Variants in YIPF3 observed in about 807,000 individuals in gnomAD.
The protein encoded by YIPF3 is Yip1 domain family member 3.
Under a neutral mutation model 40.3 loss-of-function variants are expected in YIPF3, and 18 were observed. The ratio of observed to expected loss-of-function variants is 0.45; its 90% CI spans 0.31 to 0.66. The LOEUF is 0.66. Among genes scored for constraint, YIPF3 ranks in the 30% least tolerant of loss-of-function variants. The pLI, the probability that YIPF3 is intolerant of heterozygous loss-of-function variation, is 0.07. For synonymous variants in YIPF3, 190 were observed against 179.6 expected (o/e 1.06, Z -0.46); for missense variants, 406 against 452.2 (o/e 0.90, Z 0.93).
chr6:43,516,126 A>T, intron 1 of YIPF3, 31 bp from the exon 2 acceptor site: 1 of 1,613,200 alleles, frequency 6.2e-7, no homozygotes, highest in Non-Finnish European at 8.5e-7. Flanking sequence ...AGAGTGCAGG[A>T]CTTTTCTGTT....
At position 43,512,779 on chromosome 6, in the gene YIPF3, T is replaced by A. The variant is rs777415438; in HGVS notation, c.762A>T (p.Gly254=). 3.7e-6 allele frequency: 6 copies of A among 1,613,546 alleles called. No individual in the cohort carries two copies. The East Asian group carries it at 1.3e-4, about 36-fold the overall frequency. ...LFYLFWLLVG[G]LSTLRMVAVL... ...AGCTTACCATGCGCAGTGTGGACAG[T>A]CCACCCACCAACAGCCAGAAGAGGT... The change falls in exon 7 of 9, where the codon GGA becomes GGT. Residue 254 remains glycine (G), a synonymous_variant. Transcript: ENST00000372422.
At chr6:43,516,588 A>T in intron 1 of YIPF3, 139 bp downstream of exon 1, 2 of 998,500 alleles carry the variant, frequency 2.0e-6, no homozygotes, top group Non-Finnish European at 2.9e-6. Flanking sequence ...AATCCCACTG[A>T]CTTTAGTGTG....
intron 1 of YIPF3, chr6:43,516,479 A>C (rs1275098841): frequency 1.3e-5 from 8 of 624,084 alleles, no homozygotes; most frequent in Middle Eastern, 4.2e-4. Flanking sequence ...CAACCTCCTA[A>C]CTTGTTCCAA....
intron 5 of YIPF3, 73 bp from the exon 6 acceptor site, chr6:43,513,273 C>T: frequency 6.2e-7 from 1 of 1,612,748 alleles, no homozygotes; most frequent in Admixed American, 1.7e-5. Flanking sequence ...TCCGCAGGGG[C>T]TGTTCCTGTC....
chr6:43,512,444 T>C lies in YIPF3; in HGVS notation c.900A>G (p.Val300=). Residue 300 remains valine, a synonymous_variant, in exon 8 of 9, where the codon GTA becomes GTG. Coordinates refer to ENST00000372422, the MANE Select transcript of YIPF3 (RefSeq NM_015388.4). ...CCAGACCTTCCTGCCACTTACCCTC[T>C]ACCACTTTGTGGTAGGCAAAATGCA... The part of the protein sequence containing the change: ...LYLHFAYHKV[V]EGILDTLEGP... 2.5e-6 allele frequency: 4 copies of C among 1,614,196 alleles called. No homozygotes were observed. Among genetic ancestry groups the C allele is most frequent in the Middle Eastern group, 1.7e-4 (1 of 6,060 alleles).
At chr6:43,515,406 CAGTT>C in intron 3 of YIPF3, 185 bp downstream of exon 3, 3 of 687,912 alleles carry the variant, frequency 4.4e-6, no homozygotes, top group Non-Finnish European at 7.9e-6. Context: ...GATGAGTAGT[CAGTT>C]AGATGGAAAA....
intron 1 of YIPF3, 68 bp from the exon 2 acceptor site, chr6:43,516,163 C>G: frequency 6.3e-7 from 1 of 1,592,936 alleles, no homozygotes; most frequent in South Asian, 1.1e-5. Flanking sequence ...CTGCTCATCC[C>G]AGGGTTTAGG....
Position 43,512,068 on chromosome 6 carries a change from A to G in YIPF3, c.*99T>C, listed in dbSNP as rs1036852341. 6 of 1,552,092 alleles carry G rather than the reference A, an allele frequency of 3.9e-6. No individual in the cohort carries two copies. The highest frequency in any genetic ancestry group is 4.5e-5 in the East Asian group (2 of 44,262). On this transcript the variant is annotated 3_prime_UTR_variant, in exon 9 of 9. Coordinates refer to ENST00000372422, the MANE Select transcript of YIPF3 (RefSeq NM_015388.4). Reference sequence around the variant, plus strand: ...CAGCTACAGCTCAGTGGCAGCTGCAAACCCCATCTACGAAACATGTCATCA... The same window carrying G: ...CAGCTACAGCTCAGTGGCAGCTGCAGACCCCATCTACGAAACATGTCATCA...
chr6:43,512,281 C>G lies in YIPF3; in HGVS notation c.939G>C (p.Pro313=). ...TGTCTCTGGGGACCCTCTGGATGGGCGGGATGTTGGGGCCCTCCAGTGTGT... is the reference window on the plus strand; with the variant it reads ...TGTCTCTGGGGACCCTCTGGATGGGGGGGATGTTGGGGCCCTCCAGTGTGT... The part of the protein sequence containing the change: ...ILDTLEGPNI[P]PIQRVPRDIP... The change falls in exon 9 of 9, where the codon CCG becomes CCC. Residue 313 remains proline, a synonymous_variant. Transcript: ENST00000372422. The G allele has an allele frequency of 2.5e-6, 4 of 1,611,044 alleles. No individual in the cohort carries two copies. Among genetic ancestry groups the G allele is most frequent in the Non-Finnish European group, 3.4e-6 (4 of 1,178,404 alleles).
Position 43,516,878 on chromosome 6 carries a change from C to G in YIPF3, c.-71G>C, listed in dbSNP as rs2231761. The G allele has an allele frequency of 2.0e-6, 3 of 1,505,482 alleles. No homozygotes were observed. The Admixed American group carries it at 6.0e-5, about 30-fold the overall frequency. 93.3% of individuals were successfully genotyped at this position (1,505,482 alleles called of 1,614,324 possible). The stretch of plus-strand genomic sequence containing the variant: ...GCGGAGTGGGCAAGATGTGGGCCTC[C>G]GGAAGGTAGACGTCCAGGGTCGAGG... On this transcript the variant is annotated 5_prime_UTR_variant, in exon 1 of 9. Transcript: ENST00000372422.
chr6:43,515,200 G>C (rs375398822), intron 3 of YIPF3: 4 of 450,448 alleles, frequency 8.9e-6, no homozygotes, highest in African/African-American at 8.0e-5. Flanking sequence ...CACCGTGTTA[G>C]CCAGGATGGT....
intron 3 of YIPF3, chr6:43,515,202 C>G: frequency 2.2e-6 from 1 of 450,824 alleles, no homozygotes. Context: ...CCGTGTTAGC[C>G]AGGATGGTCT....
Position 43,516,122 on chromosome 6 carries a change from C to G in YIPF3, c.82-27G>C, listed in dbSNP as rs1237670104. The G allele has an allele frequency of 3.7e-6, 6 of 1,613,462 alleles. No individual in the cohort carries two copies. In the East Asian group the frequency reaches 1.3e-4, roughly 36 times the overall value. On this transcript the variant is annotated intron_variant, in intron 1 of 8. Coordinates refer to ENST00000372422, the MANE Select transcript of YIPF3 (RefSeq NM_015388.4). ...TGTGAAGACAATGGCTCCTAGAGTG[C>G]AGGACTTTTCTGTTCCATCCATTAA... is the stretch of plus-strand genomic sequence containing the variant.
At position 43,516,714 on chromosome 6, in the gene YIPF3, T is replaced by A. The variant is rs772897495; in HGVS notation, c.81+13A>T. 8 of 1,612,460 alleles carry A rather than the reference T, an allele frequency of 5.0e-6. No homozygotes were observed. The highest frequency in any genetic ancestry group is 6.8e-6 in the Non-Finnish European group (8 of 1,179,836). ...CCTCCGGCTGCTGGCAGCTGGTGCC[T>A]TGGGGCCATTACCTGGATGTTTTCT... On this transcript the variant is annotated intron_variant, in intron 1 of 8. Coordinates refer to ENST00000372422, the MANE Select transcript of YIPF3 (RefSeq NM_015388.4).
intron 1 of YIPF3, chr6:43,516,338 A>G (rs532580699): frequency 1.1e-6 from 1 of 906,136 alleles, no homozygotes; most frequent in African/African-American, 1.7e-5. Context: ...TATGTTACCT[A>G]TCAAAGACTA....
At position 43,511,997 on chromosome 6, in the gene YIPF3, C is replaced by G; in HGVS notation, c.*170G>C. ...GCAGTCCTGGCCAGGAGTTCTTGGCCTTGTGCCTTTCAGAAGTGCCGACAG... is the reference window on the plus strand; with the variant it reads ...GCAGTCCTGGCCAGGAGTTCTTGGCGTTGTGCCTTTCAGAAGTGCCGACAG... On this transcript the variant is annotated 3_prime_UTR_variant, in exon 9 of 9. Transcript: ENST00000372422. 1 of 1,112,244 alleles carries G rather than the reference C, an allele frequency of 9.0e-7. No individual in the cohort carries two copies. The highest frequency in any genetic ancestry group is 1.3e-6 in the Non-Finnish European group (1 of 788,066). The allele number at this position is 1,112,244 out of a possible 1,614,324, so 68.9% of individuals were successfully genotyped here. A position where few individuals can be genotyped will look rare whatever the true frequency, so the allele number is the denominator to read the frequency against.
chr6:43,512,789 A>G lies in YIPF3; in HGVS notation c.752T>C (p.Leu251Ser). ...GCGCAGTGTGGACAGTCCACCCACC[A>G]ACAGCCAGAAGAGGTAGAAGAGGGC... is the stretch of plus-strand genomic sequence containing the variant. ...LHALFYLFWL[L>S]VGGLSTLRMV... Residue 251 changes from leucine (L) to serine (S), a missense_variant, in exon 7 of 9, where the codon TTG becomes TCG. Leu to Ser is a moderately radical substitution (Grantham distance 145, BLOSUM62 -2). Transcript: ENST00000372422. 2 of 1,614,022 alleles carry G rather than the reference A, an allele frequency of 1.2e-6. No homozygotes were observed. The highest frequency in any genetic ancestry group is 1.7e-6 in the Non-Finnish European group (2 of 1,180,022).
chr6:43,512,253 G>C lies in YIPF3; in HGVS notation c.967C>G (p.Pro323Ala). ...PPIQRVPRDI[P>A]AMLPAARLPT... ...AGCCGAGCAGCAGGGAGCATGGCAGGGATGTCTCTGGGGACCCTCTGGATG... is the reference window on the plus strand; with the variant it reads ...AGCCGAGCAGCAGGGAGCATGGCAGCGATGTCTCTGGGGACCCTCTGGATG... Residue 323 changes from proline to alanine, a missense_variant, in exon 9 of 9, where the codon CCT becomes GCT. Pro to Ala is a conservative substitution (Grantham distance 27). Transcript: ENST00000372422. 5.6e-6 allele frequency: 9 copies of C among 1,613,614 alleles called. No individual in the cohort carries two copies. The highest frequency in any genetic ancestry group is 7.6e-6 in the Non-Finnish European group (9 of 1,179,714).
intron 3 of YIPF3, chr6:43,515,214 G>C (rs1423526552): frequency 6.6e-6 from 3 of 454,992 alleles, no homozygotes; most frequent in South Asian, 1.6e-5. Context: ...GGATGGTCTC[G>C]ATCTCCTGAC....
Sources: gnomAD v4.1 joint callset for allele counts on GRCh38, gnomAD v4.1.1 for gene constraint, MANE v1.5 for transcripts, NCBI Gene and HGNC (gene_info 2026-07-23, HGNC 2026-07-21) for gene names.